Variants in CWF19L2 observed in about 807,000 individuals in gnomAD.
CWF19L2 encodes CWF19-like protein 2.
Under a neutral mutation model 111.7 loss-of-function variants are expected in CWF19L2, and 98 were observed. That is an observed-to-expected ratio of 0.88 (90% CI 0.75 to 1.04). The LOEUF is 1.04. Ranked by LOEUF, CWF19L2 falls within the 50% of genes least tolerant of loss-of-function variation. The pLI is 0.00. For missense variants in CWF19L2, 1,101 were observed against 1,051.4 expected (o/e 1.05, Z -0.65); for synonymous variants, 351 against 342.9 (o/e 1.02, Z -0.26).
At chr11:107,453,709 C>CACCAAG (rs1221327906) in intron 3 of CWF19L2, among the ~76,000 whole-genome samples, 1 of 151,778 alleles carries the variant, frequency 6.6e-6, no homozygotes, top group Non-Finnish European at 1.5e-5. Context: ...GGTGGTAGAA[C>CACCAAG]ACCAAGAGGG....
chr11:107,452,033 C>CA (rs1365352485), intron 3 of CWF19L2, among the ~76,000 whole-genome samples: 1 of 152,120 alleles, frequency 6.6e-6, no homozygotes, highest in Non-Finnish European at 1.5e-5. Context: ...CAATCATGTC[C>CA]ACTCTCACCA....
chr11:107,380,001 C>T (rs892241012), intron 12 of CWF19L2, among the ~76,000 whole-genome samples: 1 of 129,832 alleles, frequency 7.7e-6, no homozygotes, highest in African/African-American at 3.0e-5. Flanking sequence ...GAGCTGAGAT[C>T]GTACCACTGC....
At chr11:107,338,141 C>T (rs1441219450) in intron 14 of CWF19L2, among the ~76,000 whole-genome samples, 1 of 152,080 alleles carries the variant, frequency 6.6e-6, no homozygotes, top group Non-Finnish European at 1.5e-5. Flanking sequence ...GTGATCATAG[C>T]ACACTACAAC....
At chr11:107,399,264 AAAGAT>A (rs1430259371) in intron 10 of CWF19L2, among the ~76,000 whole-genome samples, 1 of 152,208 alleles carries the variant, frequency 6.6e-6, no homozygotes. Context: ...GCTCCACTTA[AAAGAT>A]ACGGAATCAC....
At chr11:107,457,573 C>T (rs1861873234) in intron 1 of CWF19L2, 139 bp downstream of exon 1, 1 of 612,954 alleles carries the variant, frequency 1.6e-6, no homozygotes, top group African/African-American at 1.9e-5. Flanking sequence ...GGTTTACCGG[C>T]ATTGCAAAGG....
intron 15 of CWF19L2, 61 bp from the exon 16 acceptor site, chr11:107,335,022 T>C: frequency 9.8e-7 from 1 of 1,019,126 alleles, no homozygotes. Context: ...AAGAAACAGC[T>C]TATAACAAGT....
intron 12 of CWF19L2, among the ~76,000 whole-genome samples, chr11:107,389,499 A>G (rs562364726): frequency 2.6e-4 from 39 of 152,342 alleles, no homozygotes; most frequent in African/African-American, 8.4e-4. Context: ...TCTTTTATAA[A>G]AAATGTTAAT....
rs11413713 is a variant in CWF19L2 at position 107,436,163 on chromosome 11, C to CAA, written c.665-2416_665-2415dup. Among the ~76,000 whole-genome samples, 543 of 113,010 alleles carry CAA rather than the reference C, an allele frequency of 4.8e-3. 2 individuals are homozygous for CAA. The highest frequency in any genetic ancestry group is 0.014 in the African/African-American group (421 of 30,120). 74.1% of individuals were successfully genotyped at this position (113,010 alleles called of 152,430 possible). A position where few individuals can be genotyped will look rare whatever the true frequency, so the allele number is the denominator to read the frequency against. On this transcript the variant is annotated intron_variant, in intron 6 of 17. Coordinates refer to ENST00000282251, the MANE Select transcript of CWF19L2 (RefSeq NM_152434.3). Reference sequence around the variant, plus strand: ...GCGAGACTCCACACGCCCCCCGACCCAAAAAAAAAAAAAACAAACCCATGA... The same window carrying CAA: ...GCGAGACTCCACACGCCCCCCGACCCAAAAAAAAAAAAAAAACAAACCCATGA...
chr11:107,337,907 A>G (rs1361160582), intron 14 of CWF19L2, among the ~76,000 whole-genome samples: 1 of 150,464 alleles, frequency 6.6e-6, no homozygotes, highest in African/African-American at 2.4e-5. Flanking sequence ...ATACAGAGAG[A>G]TCCCATGTAT....
At chr11:107,338,931 C>T (rs535007582) in intron 14 of CWF19L2, among the ~76,000 whole-genome samples, 1 of 152,230 alleles carries the variant, frequency 6.6e-6, no homozygotes, top group Non-Finnish European at 1.5e-5. Flanking sequence ...TGGGTATATA[C>T]CCAGTAATGG....
intron 10 of CWF19L2, among the ~76,000 whole-genome samples, chr11:107,412,532 G>C (rs758857145): frequency 6.6e-6 from 1 of 152,128 alleles, no homozygotes; most frequent in African/African-American, 2.4e-5. Context: ...GTAGAGACAG[G>C]GTTTTGCCAT....
At chr11:107,349,115 G>A (rs1860122823) in intron 13 of CWF19L2, 62 bp from the exon 14 acceptor site, 2 of 781,034 alleles carry the variant, frequency 2.6e-6, no homozygotes, top group South Asian at 2.2e-5. Context: ...ATATTTATAT[G>A]TTAATGCTAT....
chr11:107,353,118 T>A (rs1464505617), intron 13 of CWF19L2, among the ~76,000 whole-genome samples: 3 of 152,162 alleles, frequency 2.0e-5, no homozygotes, highest in Non-Finnish European at 4.4e-5. Flanking sequence ...CTCACTTTAC[T>A]TGCTTTATGA....
chr11:107,447,424 C>A (rs566561421), intron 3 of CWF19L2, among the ~76,000 whole-genome samples: 13 of 152,048 alleles, frequency 8.5e-5, no homozygotes, highest in Non-Finnish European at 1.8e-4. Flanking sequence ...ATGGAGAAAA[C>A]AATTACCAAA....
Position 107,439,082 on chromosome 11 carries a change from A to G in CWF19L2, c.664+8T>C, listed in dbSNP as rs368355904. ...CCCTGTGTGTCTATAATCAAAATGT[A>G]GAAATACCTTTAGTAATCGATGACA... On this transcript the variant is annotated splice_region_variant and intron_variant, in intron 6 of 17. Transcript: ENST00000282251. The G allele has an allele frequency of 5.7e-5, 65 of 1,136,550 alleles. No homozygotes were observed. The African/African-American group carries it at 9.2e-4, about 16-fold the overall frequency. 70.4% of individuals were successfully genotyped at this position (1,136,550 alleles called of 1,614,324 possible).
At chr11:107,437,459 T>C (rs185784902) in intron 6 of CWF19L2, among the ~76,000 whole-genome samples, 7 of 152,124 alleles carry the variant, frequency 4.6e-5, no homozygotes, top group Non-Finnish European at 8.8e-5. Flanking sequence ...ACCCCTACCA[T>C]CGGTCTAAAT....
intron 10 of CWF19L2, among the ~76,000 whole-genome samples, chr11:107,403,227 C>A (rs933661521): frequency 2.6e-5 from 4 of 151,260 alleles, no homozygotes; most frequent in East Asian, 1.9e-4. Context: ...TAACCAAATA[C>A]CACTGGTATA....
intron 10 of CWF19L2, among the ~76,000 whole-genome samples, chr11:107,410,476 G>A (rs1288805997): frequency 6.6e-6 from 1 of 152,016 alleles, no homozygotes; most frequent in Non-Finnish European, 1.5e-5. Flanking sequence ...ATGCCTTTCT[G>A]GTCAAAGAAT....
chr11:107,341,911 C>T (rs1429322187), intron 14 of CWF19L2, among the ~76,000 whole-genome samples: 3 of 152,024 alleles, frequency 2.0e-5, no homozygotes, highest in Admixed American at 6.6e-5. Flanking sequence ...TGTACTAATA[C>T]TGTTTTATTT....
Sources: gnomAD v4.1 joint callset for allele counts (sites outside exome capture counted in the v4.1 genomes callset) on GRCh38, gnomAD v4.1.1 for gene constraint, MANE v1.5 for transcripts, NCBI Gene and HGNC (gene_info 2026-07-23, HGNC 2026-07-21) for gene names.